CTNNA3: variants seen among roughly 807,000 people sequenced by gnomAD.
The protein encoded by CTNNA3 is catenin alpha-3.
A neutral mutation model predicts 95.7 loss-of-function variants in CTNNA3; 76 were observed. The ratio of observed to expected loss-of-function variants is 0.79; its 90% CI spans 0.66 to 0.96. The LOEUF (loss-of-function observed/expected upper bound fraction) is 0.96. Ranked by LOEUF, CTNNA3 falls within the 40% of genes least tolerant of loss-of-function variation. The pLI is 0.00. For missense variants in CTNNA3, 1,191 were observed against 1,089.8 expected (o/e 1.09, Z -1.31); for synonymous variants, 431 against 374.4 (o/e 1.15, Z -1.74).
chr10:67,527,619 T>C (rs1306976635), intron 4 of CTNNA3, among the ~76,000 whole-genome samples: 2 of 152,232 alleles, frequency 1.3e-5, no homozygotes, highest in Admixed American at 6.5e-5. Context: ...TGAAATGTTT[T>C]AACAATTTTA....
intron 1 of CTNNA3, among the ~76,000 whole-genome samples, chr10:67,657,521 A>G (rs1298521463): frequency 6.6e-6 from 1 of 152,108 alleles, no homozygotes; most frequent in African/African-American, 2.4e-5. Flanking sequence ...CTTCAGGTGA[A>G]TTAAAAAAAT....
intron 10 of CTNNA3, among the ~76,000 whole-genome samples, chr10:66,607,495 A>AAAAAAAAAAC (rs1217667495): frequency 6.7e-6 from 1 of 150,016 alleles, no homozygotes; most frequent in African/African-American, 2.4e-5. Flanking sequence ...AAAAAAAAAA[A>AAAAAAAAAAC]AGCAAGAAAG....
chr10:66,137,208 T>C (rs1316457232), intron 13 of CTNNA3, among the ~76,000 whole-genome samples: 1 of 152,136 alleles, frequency 6.6e-6, no homozygotes, highest in Non-Finnish European at 1.5e-5. Flanking sequence ...AGCAAACCAC[T>C]GCTTTGACGT....
At chr10:67,318,998 A>G (rs1841188078) in intron 5 of CTNNA3, among the ~76,000 whole-genome samples, 2 of 152,200 alleles carry the variant, frequency 1.3e-5, no homozygotes, top group East Asian at 1.9e-4. Context: ...GTAGCTCACT[A>G]TACCTAAGTG....
intron 10 of CTNNA3, among the ~76,000 whole-genome samples, chr10:66,558,704 G>A (rs2132127617): frequency 6.6e-6 from 1 of 152,174 alleles, no homozygotes; most frequent in Non-Finnish European, 1.5e-5. Flanking sequence ...TTAAATATAT[G>A]ACAAATTCAT....
chr10:67,399,457 T>C (rs539918619), intron 5 of CTNNA3, among the ~76,000 whole-genome samples: 2 of 152,354 alleles, frequency 1.3e-5, no homozygotes, highest in South Asian at 4.1e-4. Flanking sequence ...TTTGCAGTTT[T>C]TGGCTAAGTC....
intron 5 of CTNNA3, among the ~76,000 whole-genome samples, chr10:67,291,125 C>A (rs1245610390): frequency 6.6e-6 from 1 of 152,146 alleles, no homozygotes; most frequent in Non-Finnish European, 1.5e-5. Context: ...AAGTCTCAGT[C>A]TCCCCTTCTA....
intron 7 of CTNNA3, among the ~76,000 whole-genome samples, chr10:67,027,504 G>A (rs1853466349): frequency 2.8e-5 from 4 of 140,684 alleles, no homozygotes; most frequent in Admixed American, 2.3e-4. Flanking sequence ...GTGTGATCTC[G>A]GCTCACTGCA....
intron 13 of CTNNA3, among the ~76,000 whole-genome samples, chr10:66,267,944 T>G (rs1439838382): frequency 1.3e-5 from 2 of 152,178 alleles, no homozygotes; most frequent in East Asian, 1.9e-4. Context: ...TCTAAATCTT[T>G]ACCTGTCATT....
chr10:66,344,182 G>C (rs9732128), intron 12 of CTNNA3, among the ~76,000 whole-genome samples: 4,384 of 146,098 alleles, frequency 0.03, 212 homozygotes, highest in African/African-American at 0.1. Context: ...AGCCGAGATC[G>C]CACCATTGCA....
chr10:66,596,725 C>T (rs1295590417), intron 10 of CTNNA3, among the ~76,000 whole-genome samples: 1 of 152,058 alleles, frequency 6.6e-6, no homozygotes, highest in Non-Finnish European at 1.5e-5. Flanking sequence ...AAGGAGATGA[C>T]TCCTTCTTCA....
At chr10:66,699,571 T>A (rs1027306279) in intron 9 of CTNNA3, among the ~76,000 whole-genome samples, 13 of 152,182 alleles carry the variant, frequency 8.5e-5, no homozygotes, top group Non-Finnish European at 1.2e-4. Flanking sequence ...TCATTTTTTT[T>A]ATAAATACAT....
chr10:67,549,404 G>A (rs1840950143), intron 3 of CTNNA3, among the ~76,000 whole-genome samples: 1 of 152,104 alleles, frequency 6.6e-6, no homozygotes, highest in Non-Finnish European at 1.5e-5. Flanking sequence ...GGAAATCCCT[G>A]GAGACCCCAT....
At chr10:67,446,115 G>C (rs889071239) in intron 5 of CTNNA3, among the ~76,000 whole-genome samples, 2 of 152,150 alleles carry the variant, frequency 1.3e-5, no homozygotes, top group African/African-American at 2.4e-5. Context: ...GAATGCAAGG[G>C]AAGGCAAACA....
chr10:67,633,618 C>CAAA (rs1839215090), intron 2 of CTNNA3, among the ~76,000 whole-genome samples: 1 of 152,076 alleles, frequency 6.6e-6, no homozygotes, highest in Non-Finnish European at 1.5e-5. Context: ...GGAGTGGACC[C>CAAA]CCAGCAAACC....
chr10:66,035,088 C>T (rs1008527170), intron 15 of CTNNA3, among the ~76,000 whole-genome samples: 8 of 152,016 alleles, frequency 5.3e-5, no homozygotes. Flanking sequence ...AATATTTTTC[C>T]TTCCTTTGCC....
chr10:66,179,245 G>A (rs895321770), intron 13 of CTNNA3, among the ~76,000 whole-genome samples: 2 of 151,826 alleles, frequency 1.3e-5, no homozygotes, highest in Non-Finnish European at 2.9e-5. Context: ...ACCTACTAAC[G>A]TATGCAAGAA....
At chr10:67,584,402 T>C (rs1842543404) in intron 3 of CTNNA3, among the ~76,000 whole-genome samples, 9 of 152,102 alleles carry the variant, frequency 5.9e-5, no homozygotes, top group Admixed American at 5.9e-4. Context: ...GAACGGCAAA[T>C]GTTGCTGCCT....
intron 5 of CTNNA3, among the ~76,000 whole-genome samples, chr10:67,495,802 T>C (rs1176717388): frequency 2.0e-4 from 30 of 152,320 alleles, no homozygotes; most frequent in Non-Finnish European, 1.5e-5. Context: ...ATTCCCATTA[T>C]ATGGGAATTA....
Sources: gnomAD v4.1 joint callset for allele counts (sites outside exome capture counted in the v4.1 genomes callset) on GRCh38, gnomAD v4.1.1 for gene constraint, MANE v1.5 for transcripts, NCBI Gene and HGNC (gene_info 2026-07-23, HGNC 2026-07-21) for gene names.